The following CDH23 variants were observed in gnomAD, a reference collection of about 807,000 sequenced individuals.
CDH23 encodes cadherin-23.
In CDH23, 189 loss-of-function variants were observed where a neutral mutation model predicts 317.1. The observed-to-expected ratio is 0.60, with a 90% CI of 0.53 to 0.67. CDH23 has a LOEUF of 0.67. Ranked by LOEUF, CDH23 falls within the 30% of genes least tolerant of loss-of-function variation. The probability of loss-of-function intolerance (pLI) is 0.00; values close to 1 mark genes in which losing one functional copy is unlikely to be tolerated. For missense variants in CDH23, 4,401 were observed against 4,592.4 expected (o/e 0.96, Z 1.20); for synonymous variants, 1,839 against 1,876.8 (o/e 0.98, Z 0.52).
chr10:71,736,493 G>C (rs982205302), intron 34 of CDH23, among the ~76,000 whole-genome samples: 1 of 152,196 alleles, frequency 6.6e-6, no homozygotes, highest in Non-Finnish European at 1.5e-5. Context: ...TGCTATAAGA[G>C]CTCTTGAGTA....
Position 71,791,355 on chromosome 10 carries a change from C to A in CDH23, c.6253+20C>A, listed in dbSNP as rs1430164043. ...CGCCTGGTAAGCAGGGGACAGGCCC[C>A]AGCACCCCACAACCAGGGGCCGGTT... is the stretch of plus-strand genomic sequence containing the variant. On this transcript the variant is annotated intron_variant, in intron 47 of 69. Transcript: ENST00000224721. The A allele has an allele frequency of 6.2e-7, 1 of 1,605,686 alleles. No homozygotes were observed. Among genetic ancestry groups the A allele is most frequent in the South Asian group, 1.1e-5 (1 of 89,910 alleles).
rs1208317828 is a variant in CDH23 at position 71,704,987 on chromosome 10, A to G, written c.2810A>G (p.Asp937Gly). ...ATGCCGGTGGGCATGCCCCGCATGGACTTCCTCATCAACAGCAGCAGCGGC... is the reference window on the plus strand; with the variant it reads ...ATGCCGGTGGGCATGCCCCGCATGGGCTTCCTCATCAACAGCAGCAGCGGC... ...YRMPVGMPRM[D>G]FLINSSSGVV... Residue 937 changes from aspartate to glycine, a missense_variant, in exon 25 of 70, where the codon GAC (aspartate) becomes GGC (glycine). By Grantham distance (94) the Asp-to-Gly change is moderately conservative. Transcript: ENST00000224721. 1 of 1,612,202 alleles carries G rather than the reference A, an allele frequency of 6.2e-7. No individual in the cohort carries two copies. Among genetic ancestry groups the G allele is most frequent in the Non-Finnish European group, 8.5e-7 (1 of 1,179,670 alleles).
At position 71,397,436 on chromosome 10, in the gene CDH23, C is replaced by T. The variant is rs984249070; in HGVS notation, c.-6+118C>T. 2 of 151,554 alleles carry T rather than the reference C, an allele frequency of 1.3e-5. No homozygotes were observed. The highest frequency in any genetic ancestry group is 2.4e-5 in the African/African-American group (1 of 41,240). 9.4% of individuals were successfully genotyped at this position (151,554 alleles called of 1,614,324 possible). On this transcript the variant is annotated intron_variant, in intron 1 of 69. Transcript: ENST00000224721. This position sits in a 1 kb window ranked among gnomAD's most constrained non-coding sequence, Gnocchi z 4.8. ...CCGCGGCTGCCGAACCACTTGTTCC[C>T]AGCGCGGCCATCGCCCGTGGCGGGC...
At chr10:71,486,359 T>C (rs1401905222) in intron 3 of CDH23, among the ~76,000 whole-genome samples, 1 of 152,122 alleles carries the variant, frequency 6.6e-6, no homozygotes, top group Non-Finnish European at 1.5e-5. Context: ...CAGGGAAGGC[T>C]TCCTGGAGGG....
chr10:71,707,059 C>T lies in CDH23; in HGVS notation c.3106+10C>T, dbSNP rs367967393. 2.3e-5 allele frequency: 37 copies of T among 1,595,042 alleles called. No homozygotes were observed. Among genetic ancestry groups the T allele is most frequent in the African/African-American group, 1.9e-4 (14 of 74,644 alleles). On this transcript the variant is annotated intron_variant, in intron 26 of 69. Transcript: ENST00000224721. ...AGCTACTTCATCACAGGTGCTGCCC[C>T]GGCCTCCGCCCACCTGTGCAGGCCT...
intron 9 of CDH23, among the ~76,000 whole-genome samples, chr10:71,612,604 T>G (rs1464049547): frequency 1.3e-5 from 2 of 152,102 alleles, no homozygotes; most frequent in Admixed American, 6.6e-5. Context: ...AAAAGTAAAT[T>G]TATATGAAAA....
At chr10:71,755,348 G>A in intron 38 of CDH23, 1 of 1,608,008 alleles carries the variant, frequency 6.2e-7, no homozygotes, top group Non-Finnish European at 8.5e-7. Flanking sequence ...CAGGCAGGGA[G>A]GAATACTCAC....
At chr10:71,605,661 AAAACACATCAT>A (rs962022461) in intron 9 of CDH23, among the ~76,000 whole-genome samples, 10 of 152,358 alleles carry the variant, frequency 6.6e-5, no homozygotes, top group African/African-American at 1.9e-4. Context: ...GTCCTTTTTT[AAAACACATCAT>A]AAACACATCT....
At position 71,519,222 on chromosome 10, in the gene CDH23, A is replaced by G. The variant is rs796336027; in HGVS notation, c.429+8010A>G. On this transcript the variant is annotated intron_variant, in intron 6 of 69. Coordinates refer to ENST00000224721, the MANE Select transcript of CDH23 (RefSeq NM_022124.6). ...GGGATTCTACGGCACTCACCGGAAC[A>G]CCTTTTATTGTGCCCCCTGCCCTTT... Among the ~76,000 whole-genome samples the G allele has an allele frequency of 1.5e-4, 23 of 152,250 alleles. 1 individual carries two copies. The highest frequency in any genetic ancestry group is 4.8e-4 in the African/African-American group (20 of 41,566).
At position 71,695,405 on chromosome 10, in the gene CDH23, T is replaced by C; in HGVS notation, c.2290-13T>C. The stretch of plus-strand genomic sequence containing the variant: ...GCTGGGTGTGTCTCCCAGCGCCCCT[T>C]ATGGCTTCACAGGTAAACATCACCC... On this transcript the variant is annotated splice_polypyrimidine_tract_variant and intron_variant, in intron 21 of 69. Coordinates refer to ENST00000224721, the MANE Select transcript of CDH23 (RefSeq NM_022124.6). 3 of 1,589,374 alleles carry C rather than the reference T, an allele frequency of 1.9e-6. No individual in the cohort carries two copies. Among genetic ancestry groups the C allele is most frequent in the South Asian group, 1.1e-5 (1 of 90,658 alleles).
chr10:71,687,454 C>G (rs967839225), intron 18 of CDH23, among the ~76,000 whole-genome samples, 193 bp from the exon 19 acceptor site: 1 of 152,132 alleles, frequency 6.6e-6, no homozygotes, highest in Non-Finnish European at 1.5e-5. Flanking sequence ...CTGGTCCTAC[C>G]TCCTAGAGCT....
chr10:71,759,769 G>A (rs1400547814), intron 38 of CDH23, among the ~76,000 whole-genome samples: 1 of 150,514 alleles, frequency 6.6e-6, no homozygotes. Context: ...CCCAGATCGC[G>A]CCACTGCACT....
chr10:71,483,006 C>T (rs1164447239), intron 3 of CDH23, among the ~76,000 whole-genome samples: 1 of 152,206 alleles, frequency 6.6e-6, no homozygotes, highest in African/African-American at 2.4e-5. Flanking sequence ...TTGAGAGGTG[C>T]AGTCAACAGC....
chr10:71,490,451 G>T (rs559189769), intron 3 of CDH23, among the ~76,000 whole-genome samples: 3 of 152,148 alleles, frequency 2.0e-5, no homozygotes, highest in Non-Finnish European at 2.9e-5. Flanking sequence ...TAGGTCCTCC[G>T]TAAACGTTAA....
chr10:71,468,583 GC>G (rs1851363270), intron 3 of CDH23, among the ~76,000 whole-genome samples: 1 of 152,186 alleles, frequency 6.6e-6, no homozygotes, highest in Non-Finnish European at 1.5e-5. Context: ...CACTTGCCCT[GC>G]CCTGTTCAGC....
rs142813365 is a variant in CDH23, at chr10:71,751,836, C to T, written c.4845+9915C>T. 5.8e-6 allele frequency: 9 copies of T among 1,563,760 alleles called. No homozygotes were observed. Among genetic ancestry groups the T allele is most frequent in the East Asian group, 2.3e-5 (1 of 44,030 alleles). On this transcript the variant is annotated intron_variant, in intron 38 of 69. Transcript: ENST00000224721. The surrounding 1 kb of genome is among the most constrained non-coding windows in gnomAD (Gnocchi z 4.9). ...TGGGCAGGTGGTGAGGCTTCAAAGC[C>T]GGGGTTTTCAATCCCTTGAATGTTG...
chr10:71,691,762 A>G (rs546380317), intron 20 of CDH23, among the ~76,000 whole-genome samples: 1 of 152,308 alleles, frequency 6.6e-6, no homozygotes, highest in African/African-American at 2.4e-5. Context: ...TCTTTGGTGG[A>G]CACTGGCCAT....
At chr10:71,615,032 T>A (rs1218932312) in intron 9 of CDH23, among the ~76,000 whole-genome samples, 1 of 152,120 alleles carries the variant, frequency 6.6e-6, no homozygotes, top group East Asian at 1.9e-4. Context: ...AAATAAAAAA[T>A]TAGAATAGAA....
chr10:71,790,391 C>T lies in CDH23; in HGVS notation c.6027C>T (p.Leu2009=), dbSNP rs746650043. ...AGCTGCTGGGTGCCCAGAGTGGCCT[C>T]TTTGACATCAACAGCAGCACCGGTG... ...TYQLLGAQSG[L]FDINSSTGVV... is the part of the protein sequence containing the mutation. Residue 2009 remains leucine, a synonymous_variant, in exon 46 of 70, where the codon CTC becomes CTT. Transcript: ENST00000224721. 1 of 1,613,454 alleles carries T rather than the reference C, an allele frequency of 6.2e-7. No individual in the cohort carries two copies. The highest frequency in any genetic ancestry group is 8.5e-7 in the Non-Finnish European group (1 of 1,179,790).
Sources: allele counts gnomAD v4.1 joint callset (sites outside exome capture counted in the v4.1 genomes callset), GRCh38; gene constraint gnomAD v4.1.1; non-coding constraint Gnocchi (gnomAD v3.1); transcripts MANE v1.5; gene names NCBI Gene and HGNC (gene_info 2026-07-23, HGNC 2026-07-21).